The following SYT1 variants were observed in gnomAD, a reference collection of about 807,000 sequenced individuals.
SYT1 encodes synaptotagmin-1.
In SYT1, 8 loss-of-function variants were observed where a neutral mutation model predicts 44.8. The ratio of observed to expected loss-of-function variants is 0.18; its 90% CI spans 0.10 to 0.32. SYT1 has a LOEUF of 0.32. SYT1 is among the 10% of genes least tolerant of loss of function. The pLI, the probability that SYT1 is intolerant of heterozygous loss-of-function variation, is 1.00. For synonymous variants in SYT1, 154 were observed against 188.8 expected (o/e 0.82, Z 1.51); for missense variants, 286 against 509.3 (o/e 0.56, Z 4.22).
At chr12:79,017,621 C>A (rs1871891567) in intron 2 of SYT1, among the ~76,000 whole-genome samples, 1 of 152,044 alleles carries the variant, frequency 6.6e-6, no homozygotes, top group East Asian at 1.9e-4. Context: ...TTCAACCTAG[C>A]CAGAACATGT....
intron 3 of SYT1, among the ~76,000 whole-genome samples, chr12:79,096,086 A>G (rs1878110260): frequency 6.6e-6 from 1 of 151,880 alleles, no homozygotes; most frequent in Admixed American, 6.6e-5. Flanking sequence ...GTACAGATAA[A>G]GTCTCTCAGG....
chr12:79,122,904 A>G (rs538530707), intron 3 of SYT1, among the ~76,000 whole-genome samples: 111 of 152,280 alleles, frequency 7.3e-4, no homozygotes, highest in African/African-American at 2.6e-3. Context: ...AAATGATGAC[A>G]CCTTCTAAGT....
chr12:79,208,584 G>A (rs1280423266), intron 3 of SYT1, among the ~76,000 whole-genome samples: 1 of 152,168 alleles, frequency 6.6e-6, no homozygotes, highest in Non-Finnish European at 1.5e-5. Context: ...GAGAAGGAAA[G>A]CCAATAGGGC....
At chr12:79,143,182 G>A (rs1393973774) in intron 3 of SYT1, among the ~76,000 whole-genome samples, 1 of 152,164 alleles carries the variant, frequency 6.6e-6, no homozygotes, top group Non-Finnish European at 1.5e-5. Flanking sequence ...GTTGCTAGGA[G>A]CAATTGTTAC....
rs77776853 is a variant in SYT1 at position 78,975,593 on chromosome 12, T to A, written c.-216-2206T>A. On this transcript the variant is annotated intron_variant, in intron 1 of 10. Coordinates refer to ENST00000261205, the MANE Select transcript of SYT1 (RefSeq NM_005639.3). ...AGTTGAATCTGTGTTATTTAATCTGTGTTTTTAAATCTGTGAGGCTCTTGC... is the reference window on the plus strand; with the variant it reads ...AGTTGAATCTGTGTTATTTAATCTGAGTTTTTAAATCTGTGAGGCTCTTGC... 8.5e-5 allele frequency among the ~76,000 whole-genome samples: 13 copies of A among 152,360 alleles called. No homozygotes were observed. In the East Asian group the frequency reaches 2.5e-3, roughly 29 times the overall value.
intron 1 of SYT1, among the ~76,000 whole-genome samples, chr12:78,878,151 T>C (rs532218927): frequency 1.1e-4 from 16 of 151,764 alleles, no homozygotes; most frequent in Middle Eastern, 3.4e-3. Context: ...TTTGTGTGTG[T>C]GTGTGTGGAT....
chr12:79,019,891 C>A (rs1872071023), intron 2 of SYT1, among the ~76,000 whole-genome samples: 1 of 151,452 alleles, frequency 6.6e-6, no homozygotes, highest in African/African-American at 2.4e-5. Flanking sequence ...ATTTTTTTTC[C>A]TTTTCACACC....
chr12:79,438,944 A>C (rs1471792577), intron 9 of SYT1, among the ~76,000 whole-genome samples: 1 of 152,202 alleles, frequency 6.6e-6, no homozygotes. Flanking sequence ...AACAGACAGT[A>C]TAGAGTTTTC....
chr12:78,983,010 T>C (rs1869381717), intron 2 of SYT1, among the ~76,000 whole-genome samples: 1 of 152,062 alleles, frequency 6.6e-6, no homozygotes, highest in Admixed American at 6.6e-5. Flanking sequence ...GGAACAAATA[T>C]ATAAATAATA....
intron 1 of SYT1, among the ~76,000 whole-genome samples, chr12:78,920,578 C>T (rs1876927662): frequency 6.7e-6 from 1 of 149,030 alleles, no homozygotes; most frequent in Admixed American, 6.7e-5. Context: ...TAACCAAGTT[C>T]TCTAAATAAG....
chr12:79,448,136 T>C (rs1870838184), intron 10 of SYT1, among the ~76,000 whole-genome samples: 1 of 152,202 alleles, frequency 6.6e-6, no homozygotes, highest in African/African-American at 2.4e-5. Context: ...ATCAGTTCAA[T>C]CATTCAGAAA....
At chr12:79,069,778 T>C (rs1237223458) in intron 3 of SYT1, among the ~76,000 whole-genome samples, 2 of 152,078 alleles carry the variant, frequency 1.3e-5, no homozygotes, top group Non-Finnish European at 2.9e-5. Flanking sequence ...GTTGTGTTAC[T>C]CTTTTTATTT....
chr12:79,153,096 A>G (rs79879481), intron 3 of SYT1, among the ~76,000 whole-genome samples: 1 of 151,990 alleles, frequency 6.6e-6, no homozygotes, highest in Non-Finnish European at 1.5e-5. Context: ...AAACAACCCC[A>G]AAAAAGGCAT....
intron 9 of SYT1, among the ~76,000 whole-genome samples, chr12:79,411,719 A>C (rs1868444717): frequency 6.6e-6 from 1 of 152,184 alleles, no homozygotes. Flanking sequence ...CATAAAACTC[A>C]CCACCCAGAA....
intron 3 of SYT1, among the ~76,000 whole-genome samples, chr12:79,133,741 G>C (rs1869003681): frequency 1.3e-5 from 2 of 152,148 alleles, no homozygotes; most frequent in South Asian, 4.1e-4. Context: ...CTTGCATCCT[G>C]GTGACTGGGA....
At chr12:79,201,121 T>A (rs1228189436) in intron 3 of SYT1, among the ~76,000 whole-genome samples, 1 of 152,080 alleles carries the variant, frequency 6.6e-6, no homozygotes, top group African/African-American at 2.4e-5. Flanking sequence ...ATAGTAACGT[T>A]CCTAGGATCT....
chr12:79,212,972 G>C (rs913345800), intron 3 of SYT1, among the ~76,000 whole-genome samples: 1 of 152,144 alleles, frequency 6.6e-6, no homozygotes, highest in Non-Finnish European at 1.5e-5. Context: ...ACAGTATTTT[G>C]GCACAAAGTA....
intron 4 of SYT1, among the ~76,000 whole-genome samples, chr12:79,218,905 T>C (rs1450536053): frequency 1.3e-5 from 2 of 152,142 alleles, no homozygotes; most frequent in East Asian, 1.9e-4. Context: ...GATCATATGG[T>C]AGTTCTAGTT....
Position 79,353,549 on chromosome 12 carries a change from T to A in SYT1, c.858T>A (p.Thr286=), listed in dbSNP as rs1259921416. The change falls in exon 9 of 11, where the codon ACT becomes ACA. Residue 286 remains threonine (T), a synonymous_variant. Transcript: ENST00000261205. ...GCTTCTCCCTTCGCTACGTACCTAC[T>A]GCTGGTAAGCTGACTGTTGTCATTC... The part of the protein sequence containing the change: ...DICFSLRYVP[T]AGKLTVVILE... 1 of 1,614,200 alleles carries A rather than the reference T, an allele frequency of 6.2e-7. No individual in the cohort carries two copies. Among genetic ancestry groups the A allele is most frequent in the Non-Finnish European group, 8.5e-7 (1 of 1,179,988 alleles).
Sources: gnomAD v4.1 joint callset for allele counts (sites outside exome capture counted in the v4.1 genomes callset) on GRCh38, gnomAD v4.1.1 for gene constraint, MANE v1.5 for transcripts, NCBI Gene and HGNC (gene_info 2026-07-23, HGNC 2026-07-21) for gene names.